EPHB1: variants seen among roughly 807,000 people sequenced by gnomAD.
EPHB1 encodes the protein EPH receptor B1.
Under a neutral mutation model 94.4 loss-of-function variants are expected in EPHB1, and 30 were observed. That is an observed-to-expected ratio of 0.32 (90% CI 0.24 to 0.43). EPHB1 has a LOEUF of 0.43. Ranked by LOEUF, EPHB1 falls within the 20% of genes least tolerant of loss-of-function variation. EPHB1 has a pLI of 1.00. For missense variants in EPHB1, 1,055 were observed against 1,308.3 expected (o/e 0.81, Z 2.99); for synonymous variants, 522 against 489.1 (o/e 1.07, Z -0.89).
intron 1 of EPHB1, among the ~76,000 whole-genome samples, chr3:134,815,027 G>A (rs2036243427): frequency 2.0e-5 from 3 of 152,088 alleles, no homozygotes. Context: ...AAATTAACAA[G>A]CTTATTTTGA....
chr3:134,951,711 T>A lies in EPHB1; in HGVS notation c.464T>A (p.Leu155Gln), dbSNP rs1933037523. 6.2e-7 allele frequency: 1 copy of A among 1,614,028 alleles called. No homozygotes were observed. Among genetic ancestry groups the A allele is most frequent in the Non-Finnish European group, 8.5e-7 (1 of 1,179,998 alleles). ...SFSQVDFGGR[L>Q]MKVNTEVRSF... ...TCCCAGGTGGACTTTGGGGGAAGGC[T>A]GATGAAGGTAAACACAGAAGTCAGG... The change falls in exon 3 of 16, where the codon CTG (leucine) becomes CAG (glutamine). Residue 155 changes from leucine to glutamine, a missense_variant. By Grantham distance (113) the Leu-to-Gln change is moderately radical. Transcript: ENST00000398015. The surrounding 1 kb of genome is among the most constrained non-coding windows in gnomAD (Gnocchi z 4.5).
At chr3:135,067,185 G>T (rs971240957) in intron 3 of EPHB1, among the ~76,000 whole-genome samples, 2 of 152,160 alleles carry the variant, frequency 1.3e-5, no homozygotes, top group Non-Finnish European at 2.9e-5. Flanking sequence ...AGGAGGTGGT[G>T]CTTTCAAGAG....
At position 135,157,196 on chromosome 3, in the gene EPHB1, G is replaced by A. The variant is rs377568988; in HGVS notation, c.1422+2920G>A. Among the ~76,000 whole-genome samples, 34 of 152,308 alleles carry A rather than the reference G, an allele frequency of 2.2e-4. No individual in the cohort carries two copies. In the East Asian group the frequency reaches 3.3e-3, roughly 15 times the overall value. On this transcript the variant is annotated intron_variant, in intron 6 of 15. Coordinates refer to ENST00000398015, the MANE Select transcript of EPHB1 (RefSeq NM_004441.5). ...TGGGTCCTTTGCCCTGCAGCAGGTG[G>A]TGGTGCTGGGAAGGGAAAGAATATG...
chr3:135,020,687 A>G (rs1372053970), intron 3 of EPHB1, among the ~76,000 whole-genome samples: 1 of 152,020 alleles, frequency 6.6e-6, no homozygotes, highest in East Asian at 1.9e-4. Flanking sequence ...TTTGTGATCT[A>G]CCCCTCCTAT....
intron 13 of EPHB1, among the ~76,000 whole-genome samples, chr3:135,244,622 C>T (rs1943877233): frequency 6.6e-6 from 1 of 152,210 alleles, no homozygotes; most frequent in Non-Finnish European, 1.5e-5. Flanking sequence ...TTTTCCACTC[C>T]TCCTTCCTGT....
intron 1 of EPHB1, among the ~76,000 whole-genome samples, chr3:134,863,878 G>A (rs886604735): frequency 6.6e-6 from 1 of 152,224 alleles, no homozygotes; most frequent in Non-Finnish European, 1.5e-5. Flanking sequence ...CTCCTGGGGA[G>A]TTAAAGCAGA....
chr3:135,038,154 C>T (rs1437098458), intron 3 of EPHB1, among the ~76,000 whole-genome samples: 1 of 152,206 alleles, frequency 6.6e-6, no homozygotes, highest in Non-Finnish European at 1.5e-5. Context: ...GGGTAGCCTC[C>T]CTAAGTCCTG....
intron 3 of EPHB1, among the ~76,000 whole-genome samples, chr3:135,008,075 A>G (rs1457694035): frequency 6.6e-6 from 1 of 152,198 alleles, no homozygotes; most frequent in African/African-American, 2.4e-5. Flanking sequence ...AAAACAGGAA[A>G]GCTACTATTG....
intron 12 of EPHB1, among the ~76,000 whole-genome samples, chr3:135,217,936 G>C (rs1320029957): frequency 1.3e-5 from 2 of 152,100 alleles, no homozygotes; most frequent in East Asian, 3.9e-4. Context: ...AGGTTTACTG[G>C]CTTTCTGTCC....
chr3:135,126,311 A>G (rs1034266632), intron 4 of EPHB1, among the ~76,000 whole-genome samples: 1 of 152,212 alleles, frequency 6.6e-6, no homozygotes, highest in Non-Finnish European at 1.5e-5. Flanking sequence ...AGTCTTGAGT[A>G]TCAAGTGTCC....
chr3:134,897,078 G>C (rs1264110800), intron 1 of EPHB1, among the ~76,000 whole-genome samples: 1 of 152,352 alleles, frequency 6.6e-6, no homozygotes, highest in East Asian at 1.9e-4. Flanking sequence ...GGTGATCCAT[G>C]ATTCTCTGCC....
At chr3:134,915,726 C>T (rs1032336482) in intron 1 of EPHB1, among the ~76,000 whole-genome samples, 10 of 151,846 alleles carry the variant, frequency 6.6e-5, no homozygotes, top group South Asian at 4.2e-4. Flanking sequence ...CTTAAGGCGG[C>T]GCGTCCGGAG....
At chr3:134,804,326 T>C (rs777325095) in intron 1 of EPHB1, among the ~76,000 whole-genome samples, 1 of 152,046 alleles carries the variant, frequency 6.6e-6, no homozygotes, top group East Asian at 1.9e-4. Context: ...CTCATGAGAC[T>C]TATTCATTAT....
rs1437487942 is a variant in EPHB1, at chr3:135,259,198, T to C, written c.*78T>C. ...GGACCAGAGGTTGACCACTGTGGAA[T>C]GTACTGGAGAGACTGGCTTCTCAGC... On this transcript the variant is annotated 3_prime_UTR_variant, in exon 16 of 16. Transcript: ENST00000398015. 1.8e-6 allele frequency: 2 copies of C among 1,127,166 alleles called. No homozygotes were observed. Among genetic ancestry groups the C allele is most frequent in the Non-Finnish European group, 1.3e-6 (1 of 772,434 alleles). 69.8% of individuals were successfully genotyped at this position (1,127,166 alleles called of 1,614,324 possible). A position where few individuals can be genotyped will look rare whatever the true frequency, so the allele number is the denominator to read the frequency against.
Position 134,925,819 on chromosome 3 carries a change from C to T in EPHB1, c.62C>T (p.Thr21Met), listed in dbSNP as rs376895227. ...LASAVAAMEE[T>M]LMDTRTATAE... ...GTTTTTTCTTTTTAATCTACAGAAA[C>T]GTTAATGGACACCAGAACGGCTACT... Residue 21 changes from threonine (T) to methionine (M), a missense_variant, in exon 2 of 16, where the codon ACG (threonine) becomes ATG (methionine). Thr to Met is a moderately conservative substitution (Grantham distance 81). Transcript: ENST00000398015. The T allele has an allele frequency of 1.1e-5, 17 of 1,596,002 alleles. No homozygotes were observed. Among genetic ancestry groups the T allele is most frequent in the Admixed American group, 6.9e-5 (4 of 57,938 alleles).
rs386397987 is a variant in EPHB1, at chr3:135,216,726, GAAAA to G, written c.2346+15056_2346+15059del. Among the ~76,000 whole-genome samples the G allele has an allele frequency of 2.2e-3, 230 of 105,004 alleles. 3 individuals carry two copies. Among genetic ancestry groups the G allele is most frequent in the African/African-American group, 8.2e-3 (216 of 26,326 alleles). The allele number at this position is 105,004 out of a possible 152,430, so 68.9% of individuals were successfully genotyped here. On this transcript the variant is annotated intron_variant, in intron 12 of 15. Transcript: ENST00000398015. ...CCACAGAGTGACACTCTGTCTCAGG[GAAAA>G]AAAAAAAAAAAAAAAAAATCACCCT... is the stretch of plus-strand genomic sequence containing the variant.
chr3:135,142,845 G>A (rs1328025050), intron 5 of EPHB1, among the ~76,000 whole-genome samples: 1 of 152,154 alleles, frequency 6.6e-6, no homozygotes, highest in Admixed American at 6.5e-5. Flanking sequence ...CCGATGAATG[G>A]GGGCGTGACG....
intron 10 of EPHB1, among the ~76,000 whole-genome samples, chr3:135,186,107 G>A (rs907623937): frequency 6.6e-6 from 1 of 152,244 alleles, no homozygotes; most frequent in Non-Finnish European, 1.5e-5. Flanking sequence ...GTAGATGTAT[G>A]TATGTGTGTG....
intron 1 of EPHB1, among the ~76,000 whole-genome samples, chr3:134,893,084 A>C (rs1262643024): frequency 6.6e-6 from 1 of 152,152 alleles, no homozygotes; most frequent in Non-Finnish European, 1.5e-5. Context: ...ATTCAGTTAC[A>C]AGAATGTAAG....
Sources: gnomAD v4.1 joint callset for allele counts (sites outside exome capture counted in the v4.1 genomes callset) on GRCh38, gnomAD v4.1.1 for gene constraint, Gnocchi (gnomAD v3.1) non-coding constraint, MANE v1.5 for transcripts, NCBI Gene and HGNC (gene_info 2026-07-23, HGNC 2026-07-21) for gene names.